SCRN2: variants seen among roughly 807,000 people sequenced by gnomAD.
SCRN2 encodes secernin-2.
Under a neutral mutation model 40.1 loss-of-function variants are expected in SCRN2, and 30 were observed. The ratio of observed to expected loss-of-function variants is 0.75; its 90% CI spans 0.56 to 1.01. The LOEUF (loss-of-function observed/expected upper bound fraction) is 1.01. Ranked by LOEUF, SCRN2 falls within the 50% of genes least tolerant of loss-of-function variation. The pLI, the probability that SCRN2 is intolerant of heterozygous loss-of-function variation, is 0.00. For missense variants in SCRN2, 526 were observed against 564.9 expected, an observed-to-expected ratio of 0.93 and a Z score of 0.70; for synonymous variants, 240 against 233.5, an observed-to-expected ratio of 1.03 and a Z score of -0.25.
At chr17:47,839,711 A>C in intron 3 of SCRN2, 68 bp from the exon 4 acceptor site, 1 of 1,563,646 alleles carries the variant, frequency 6.4e-7, no homozygotes, top group Non-Finnish European at 8.8e-7. Context: ...CAGAAGCTCC[A>C]GGGGACAGAA....
At chr17:47,839,310 G>T in intron 4 of SCRN2, 134 bp downstream of exon 4, 1 of 921,018 alleles carries the variant, frequency 1.1e-6, no homozygotes, top group Non-Finnish European at 1.6e-6. Context: ...ACCAAGTGAA[G>T]GGGAGGAGAA....
chr17:47,841,065 C>T (rs974049846), intron 1 of SCRN2, 143 bp downstream of exon 1: 41 of 420,542 alleles, frequency 9.7e-5, no homozygotes, highest in African/African-American at 5.5e-4. Context: ...CCCGCCCCCA[C>T]TGGGAGTCCC....
intron 3 of SCRN2, chr17:47,839,951 G>C: frequency 1.7e-6 from 1 of 587,176 alleles, no homozygotes; most frequent in East Asian, 2.8e-5. Context: ...TTTATAAATT[G>C]GGACTCTATG....
Position 47,840,654 on chromosome 17 carries a change from A to C in SCRN2, c.174+16T>G. ...GATCTGCCACACCTCCCAGCACCCC[A>C]TAAAGTCTAACCCACCTGGAGCCGG... On this transcript the variant is annotated intron_variant, in intron 2 of 7. Transcript: ENST00000290216. The C allele has an allele frequency of 6.3e-7, 1 of 1,590,940 alleles. No homozygotes were observed. The highest frequency in any genetic ancestry group is 8.6e-7 in the Non-Finnish European group (1 of 1,168,654).
In SCRN2 at chr17:47,839,460, A is replaced by C. The variant is rs574046365; in HGVS notation, c.540T>G (p.Ala180=). ...WVLETAGRLW[A]AQRIQEGARN... ...ACACCTCACCCTGGATCCTCTGTGCAGCCCAGAGCCTCCCAGCTGTCTCCA... is the reference window on the plus strand; with the variant it reads ...ACACCTCACCCTGGATCCTCTGTGCCGCCCAGAGCCTCCCAGCTGTCTCCA... Residue 180 remains alanine (A), a synonymous_variant, in exon 4 of 8, where the codon GCT becomes GCG. Coordinates refer to ENST00000290216, the MANE Select transcript of SCRN2 (RefSeq NM_138355.4). The C allele has an allele frequency of 1.9e-6, 3 of 1,612,902 alleles. No individual in the cohort carries two copies. Among genetic ancestry groups the C allele is most frequent in the Admixed American group, 1.7e-5 (1 of 60,026 alleles).
At position 47,839,579 on chromosome 17, in the gene SCRN2, G is replaced by T; in HGVS notation, c.421C>A (p.His141Asn). The change falls in exon 4 of 8, where the codon CAC becomes AAC. Residue 141 changes from histidine (H) to asparagine (N), a missense_variant. Transcript: ENST00000290216. ...ALHVITGLLE[H>N]YGQGGNCLED... ...AGGCAGTTGCCCCCCTGCCCATAGT[G>T]CTCCAGTAACCCTGTGATCACATGC... The T allele has an allele frequency of 6.2e-7, 1 of 1,614,074 alleles. No homozygotes were observed. The highest frequency in any genetic ancestry group is 1.1e-5 in the South Asian group (1 of 91,082).
chr17:47,839,594 T>C lies in SCRN2; in HGVS notation c.406A>G (p.Thr136Ala), dbSNP rs752492059. Residue 136 changes from threonine to alanine, a missense_variant, in exon 4 of 8, where the codon ACA becomes GCA. Thr to Ala is a moderately conservative substitution (Grantham distance 58). Coordinates refer to ENST00000290216, the MANE Select transcript of SCRN2 (RefSeq NM_138355.4). ...SSAQEALHVITGLLEHYGQGG... is the reference protein window; with the variant it reads ...SSAQEALHVIAGLLEHYGQGG... The stretch of plus-strand genomic sequence containing the variant: ...TGCCCATAGTGCTCCAGTAACCCTG[T>C]GATCACATGCAAGGCCTCCTGGGCA... 6.2e-7 allele frequency: 1 copy of C among 1,614,068 alleles called. No individual in the cohort carries two copies. The highest frequency in any genetic ancestry group is 8.5e-7 in the Non-Finnish European group (1 of 1,180,032).
chr17:47,840,279 C>G lies in SCRN2; in HGVS notation c.268G>C (p.Glu90Gln). The change falls in exon 3 of 8, where the codon GAG becomes CAG. Residue 90 changes from glutamate to glutamine, a missense_variant. Transcript: ENST00000290216. ...TCGTTGCCAATGCAGACACCATGCT[C>G]GTTGGCGCCCATCTCAGCCCCCCAT... Reference protein sequence around the residue: ...WLWGAEMGANEHGVCIGNEAV... With the variant: ...WLWGAEMGANQHGVCIGNEAV... 1.9e-6 allele frequency: 3 copies of G among 1,614,206 alleles called. No homozygotes were observed. Among genetic ancestry groups the G allele is most frequent in the Non-Finnish European group, 2.5e-6 (3 of 1,180,044 alleles).
chr17:47,840,569 C>G, intron 2 of SCRN2, 101 bp downstream of exon 2: 3 of 1,368,840 alleles, frequency 2.2e-6, no homozygotes, highest in Non-Finnish European at 2.9e-6. Context: ...TGCTCTTCCA[C>G]TACTTCTGGC....
At chr17:47,839,917 G>T in intron 3 of SCRN2, 1 of 593,732 alleles carries the variant, frequency 1.7e-6, no homozygotes, top group Non-Finnish European at 3.0e-6. Flanking sequence ...TCCACCCAGA[G>T]CTGCTCCATC....
rs1465945576 is a variant in SCRN2 at position 47,838,570 on chromosome 17, G to A, written c.899C>T (p.Pro300Leu). 4 of 1,614,060 alleles carry A rather than the reference G, an allele frequency of 2.5e-6. No homozygotes were observed. The highest frequency in any genetic ancestry group is 3.4e-6 in the Non-Finnish European group (4 of 1,180,004). ...CGTGGCGGTAAGAAAGTGCACGCAG[G>A]GCTGCGTGGGATCCTGGGGCAGGAC... ...VSVLPQDPTQ[P>L]CVHFLTATPD... Residue 300 changes from proline (P) to leucine (L), a missense_variant, in exon 6 of 8, where the codon CCC (proline) becomes CTC (leucine). Transcript: ENST00000290216.
Position 47,838,912 on chromosome 17 carries a change from C to G in SCRN2, c.651G>C (p.Trp217Cys). 6.2e-7 allele frequency: 1 copy of G among 1,614,016 alleles called. No individual in the cohort carries two copies. Among genetic ancestry groups the G allele is most frequent in the Non-Finnish European group, 8.5e-7 (1 of 1,180,054 alleles). Residue 217 changes from tryptophan (W) to cysteine (C), a missense_variant, in exon 5 of 8, where the codon TGG becomes TGC. Trp to Cys is a radical substitution (Grantham distance 215). Coordinates refer to ENST00000290216, the MANE Select transcript of SCRN2 (RefSeq NM_138355.4). The part of the protein sequence containing the change: ...ELRTHAQAKG[W>C]WDGQGAFDFA... ...AGTCAAAGGCACCCTGCCCATCCCA[C>G]CAGCCCTTGGCCTGGGCATGAGTCC...
intron 4 of SCRN2, 38 bp downstream of exon 4, chr17:47,839,406 T>C (rs2033774193): frequency 6.2e-7 from 1 of 1,604,648 alleles, no homozygotes; most frequent in Non-Finnish European, 8.5e-7. Flanking sequence ...CTACCATCTC[T>C]CCCACTTCCC....
rs529039186 is a variant in SCRN2 at position 47,840,270 on chromosome 17, C to T, written c.277G>A (p.Val93Ile). ...CACACAGCCTCGTTGCCAATGCAGA[C>T]ACCATGCTCGTTGGCGCCCATCTCA... ...GAEMGANEHG[V>I]CIGNEAVWTK... The change falls in exon 3 of 8, where the codon GTC (valine) becomes ATC (isoleucine). Residue 93 changes from valine (V) to isoleucine (I), a missense_variant. Transcript: ENST00000290216. 3.1e-6 allele frequency: 5 copies of T among 1,614,230 alleles called. No individual in the cohort carries two copies. The East Asian group carries it at 6.7e-5, about 22-fold the overall frequency.
At position 47,837,893 on chromosome 17, in the gene SCRN2, C is replaced by G; in HGVS notation, c.1229G>C (p.Gly410Ala). The change falls in exon 8 of 8, where the codon GGC becomes GCC. Residue 410 changes from glycine (G) to alanine (A), a missense_variant. By Grantham distance (60) the Gly-to-Ala change is moderately conservative. Coordinates refer to ENST00000290216, the MANE Select transcript of SCRN2 (RefSeq NM_138355.4). ...CTTCACGAAGGCCTGGAAGAGGCTGCCCAGCTCCCAGAGGGGTGGGGCCCA... is the reference window on the plus strand; with the variant it reads ...CTTCACGAAGGCCTGGAAGAGGCTGGCCAGCTCCCAGAGGGGTGGGGCCCA... The part of the protein sequence containing the change: ...GEWAPPLWEL[G>A]SLFQAFVKRE... The G allele has an allele frequency of 6.2e-7, 1 of 1,604,020 alleles. No homozygotes were observed. The highest frequency in any genetic ancestry group is 8.5e-7 in the Non-Finnish European group (1 of 1,179,602).
rs149401273 is a variant in SCRN2 at position 47,839,110 on chromosome 17, C to T, written c.557-104G>A. ...CATGGTGGAGAAGAGAACTACCTAC[C>T]CTCATGGAGCCTACGTTTTGGTGGG... is the stretch of plus-strand genomic sequence containing the variant. On this transcript the variant is annotated intron_variant, in intron 4 of 7. Transcript: ENST00000290216. The T allele has an allele frequency of 4.0e-3, 4,749 of 1,195,676 alleles. 13 individuals are homozygous for T. Among genetic ancestry groups the T allele is most frequent in the Middle Eastern group, 6.1e-3 (23 of 3,740 alleles). 74.1% of individuals were successfully genotyped at this position (1,195,676 alleles called of 1,614,324 possible). A position where few individuals can be genotyped will look rare whatever the true frequency, so the allele number is the denominator to read the frequency against.
rs2033796960 is a variant in SCRN2 at position 47,840,361 on chromosome 17, A to C, written c.186T>G (p.Ile62Met). ...GCGTCTTCGACACCTGTTCCACTTC[A>C]ATGTAGGTGCACTGGAGGTGAGGGA... Reference protein sequence around the residue: ...TPGSRLQCTYIEVEQVSKTHA... With the variant: ...TPGSRLQCTYMEVEQVSKTHA... Residue 62 changes from isoleucine to methionine, a missense_variant, in exon 3 of 8, where the codon ATT (isoleucine) becomes ATG (methionine). Transcript: ENST00000290216. The C allele has an allele frequency of 6.2e-7, 1 of 1,614,006 alleles. No homozygotes were observed. Among genetic ancestry groups the C allele is most frequent in the African/African-American group, 1.3e-5 (1 of 75,034 alleles).
chr17:47,839,138 A>G (rs2033767892), intron 4 of SCRN2, 132 bp from the exon 5 acceptor site: 2 of 909,564 alleles, frequency 2.2e-6, no homozygotes, highest in African/African-American at 1.7e-5. Flanking sequence ...TTGGTGGGGG[A>G]GGCAGACAAA....
In SCRN2 at chr17:47,839,307, G is replaced by A. The variant is rs1053168893; in HGVS notation, c.556+137C>T. The A allele has an allele frequency of 3.0e-5, 27 of 907,646 alleles. No homozygotes were observed. In the East Asian group the frequency reaches 5.3e-4, roughly 18 times the overall value. The allele number at this position is 907,646 out of a possible 1,614,324, so 56.2% of individuals were successfully genotyped here. On this transcript the variant is annotated intron_variant, in intron 4 of 7. Coordinates refer to ENST00000290216, the MANE Select transcript of SCRN2 (RefSeq NM_138355.4). ...TAGCACACGGAAGACTTAACCAAGT[G>A]AAGGGGAGGAGAATTCCCAAGTGGG...
Sources: allele counts gnomAD v4.1 joint callset, GRCh38; gene constraint gnomAD v4.1.1; transcripts MANE v1.5; gene names NCBI Gene and HGNC (gene_info 2026-07-23, HGNC 2026-07-21).